Variants in DENND11 observed in about 807,000 individuals in gnomAD.
DENND11 encodes the protein DENN domain-containing protein 11.
A neutral mutation model predicts 49.2 loss-of-function variants in DENND11; 34 were observed. The observed-to-expected ratio is 0.69, with a 90% CI of 0.53 to 0.92. The LOEUF (loss-of-function observed/expected upper bound fraction) is 0.92, where lower values mean the gene tolerates loss of function less well. Ranked by LOEUF, DENND11 falls within the 40% of genes least tolerant of loss-of-function variation. The probability of loss-of-function intolerance (pLI) is 0.00; values close to 1 mark genes in which losing one functional copy is unlikely to be tolerated. For synonymous variants in DENND11, 238 were observed against 230.3 expected (o/e 1.03, Z -0.30); for missense variants, 475 against 581.6 (o/e 0.82, Z 1.88).
At chr7:141,678,284 T>A (rs917903173) in intron 3 of DENND11, among the ~76,000 whole-genome samples, 6 of 151,418 alleles carry the variant, frequency 4.0e-5, no homozygotes, top group East Asian at 3.9e-4. Flanking sequence ...TTAAAAGAAA[T>A]AAAATAAAAT....
chr7:141,692,670 T>C (rs1336453261), intron 1 of DENND11, among the ~76,000 whole-genome samples: 1 of 151,836 alleles, frequency 6.6e-6, no homozygotes, highest in Non-Finnish European at 1.5e-5. Flanking sequence ...CGAGACCCTG[T>C]CTCTACAAAA....
intron 4 of DENND11, among the ~76,000 whole-genome samples, chr7:141,673,070 A>G (rs1798006645): frequency 6.6e-6 from 1 of 152,128 alleles, no homozygotes; most frequent in South Asian, 2.1e-4. Context: ...CTTGTCTTGC[A>G]TTTTTCCGTG....
Position 141,661,103 on chromosome 7 carries a change from G to A in DENND11, c.*1553C>T, listed in dbSNP as rs532985533. 6.6e-6 allele frequency: 1 copy of A among 152,354 alleles called. No homozygotes were observed. The highest frequency in any genetic ancestry group is 1.5e-5 in the Non-Finnish European group (1 of 68,040). 9.4% of individuals were successfully genotyped at this position (152,354 alleles called of 1,614,324 possible). A position where few individuals can be genotyped will look rare whatever the true frequency, so the allele number is the denominator to read the frequency against. On this transcript the variant is annotated 3_prime_UTR_variant, in exon 9 of 9. Transcript: ENST00000536163. ...AACCCTAAGAATCTTATCTTGAGATGAGATGTGTGAACCACCATTTGAATG... is the reference window on the plus strand; with the variant it reads ...AACCCTAAGAATCTTATCTTGAGATAAGATGTGTGAACCACCATTTGAATG...
chr7:141,701,284 C>T (rs1006476566), intron 1 of DENND11, among the ~76,000 whole-genome samples: 3 of 151,756 alleles, frequency 2.0e-5, no homozygotes, highest in African/African-American at 7.3e-5. Flanking sequence ...GGCGTTAATT[C>T]CTCAAAATAA....
chr7:141,674,156 C>G lies in DENND11; in HGVS notation c.592G>C (p.Val198Leu). The change falls in exon 4 of 9, where the codon GTG (valine) becomes CTG (leucine). Residue 198 changes from valine (V) to leucine (L), a missense_variant. By Grantham distance (32) the Val-to-Leu change is conservative. Transcript: ENST00000536163. ...CCTCTGCCGGGACCAGCATGGAGCA[C>G]CCCCTTTTTGTCCTCATAGAAGGCA... ...LAAFYEDKKGVLHAGPGRGSS... is the reference protein window; with the variant it reads ...LAAFYEDKKGLLHAGPGRGSS... 1 of 1,571,558 alleles carries G rather than the reference C, an allele frequency of 6.4e-7. No homozygotes were observed. The highest frequency in any genetic ancestry group is 1.2e-5 in the South Asian group (1 of 85,396).
chr7:141,702,124 C>G lies in DENND11; in HGVS notation c.30G>C (p.Leu10=), dbSNP rs1798532639. MVEQGDAAP[L]LRWAEGPAVS... ...CGGCGGGGCCCTCGGCCCAGCGCAGCAGCGGCGCCGCGTCTCCCTGCTCCA... is the reference window on the plus strand; with the variant it reads ...CGGCGGGGCCCTCGGCCCAGCGCAGGAGCGGCGCCGCGTCTCCCTGCTCCA... Residue 10 remains leucine, a synonymous_variant, in exon 1 of 9, where the codon CTG becomes CTC. Coordinates refer to ENST00000536163, the MANE Select transcript of DENND11 (RefSeq NM_001080392.2). 8.1e-6 allele frequency: 8 copies of G among 983,352 alleles called. No homozygotes were observed. Among genetic ancestry groups the G allele is most frequent in the Non-Finnish European group, 9.6e-6 (8 of 830,124 alleles). The allele number at this position is 983,352 out of a possible 1,614,324, so 60.9% of individuals were successfully genotyped here.
rs1798533518 is a variant in DENND11 at position 141,702,155 on chromosome 7, G to T, written c.-2C>A. The T allele has an allele frequency of 7.1e-6, 7 of 981,778 alleles. No homozygotes were observed. Among genetic ancestry groups the T allele is most frequent in the Non-Finnish European group, 8.4e-6 (7 of 828,876 alleles). 60.8% of individuals were successfully genotyped at this position (981,778 alleles called of 1,614,324 possible). A position where few individuals can be genotyped will look rare whatever the true frequency, so the allele number is the denominator to read the frequency against. ...CGCCGCGTCTCCCTGCTCCACCATG[G>T]CTAGGCGAGGCGGAGCCGCGGGCGC... On this transcript the variant is annotated 5_prime_UTR_variant, in exon 1 of 9. Coordinates refer to ENST00000536163, the MANE Select transcript of DENND11 (RefSeq NM_001080392.2).
chr7:141,690,467 A>C (rs568765594), intron 1 of DENND11, among the ~76,000 whole-genome samples: 4 of 152,288 alleles, frequency 2.6e-5, no homozygotes, highest in African/African-American at 9.6e-5. Flanking sequence ...TCAAACTCCA[A>C]CATCAGATAC....
chr7:141,664,160 C>T lies in DENND11; in HGVS notation c.1172+12G>A, dbSNP rs1376871263. 2 of 1,570,042 alleles carry T rather than the reference C, an allele frequency of 1.3e-6. No homozygotes were observed. Among genetic ancestry groups the T allele is most frequent in the East Asian group, 2.3e-5 (1 of 42,766 alleles). On this transcript the variant is annotated intron_variant, in intron 8 of 8. Transcript: ENST00000536163. ...CTCAGGGAGACTCCACATCCACGGC[C>T]CCAGGACTCACAGCACGAAGAGGTC...
Position 141,658,108 on chromosome 7 carries a change from A to C in DENND11, c.*4548T>G, listed in dbSNP as rs562307199. 6.6e-6 allele frequency: 1 copy of C among 152,340 alleles called. No homozygotes were observed. The highest frequency in any genetic ancestry group is 1.9e-4 in the East Asian group (1 of 5,188). 9.4% of individuals were successfully genotyped at this position (152,340 alleles called of 1,614,324 possible). On this transcript the variant is annotated 3_prime_UTR_variant, in exon 9 of 9. Transcript: ENST00000536163. ...TTCTATGGGGTCTCAGCCACCACCA[A>C]ATTACAAAACTGCCCATTTCTTCTA...
intron 1 of DENND11, among the ~76,000 whole-genome samples, chr7:141,701,016 A>G (rs754380255): frequency 6.6e-6 from 1 of 152,042 alleles, no homozygotes; most frequent in Admixed American, 6.5e-5. Context: ...AACCCCGAAC[A>G]GCAGAGCCAC....
chr7:141,701,884 A>C lies in DENND11; in HGVS notation c.268+2T>G. The C allele has an allele frequency of 1.7e-6, 2 of 1,195,036 alleles. No individual in the cohort carries two copies. The highest frequency in any genetic ancestry group is 2.1e-6 in the Non-Finnish European group (2 of 965,444). The allele number at this position is 1,195,036 out of a possible 1,614,324, so 74.0% of individuals were successfully genotyped here. A position where few individuals can be genotyped will look rare whatever the true frequency, so the allele number is the denominator to read the frequency against. On this transcript the variant is annotated splice_donor_variant, in intron 1 of 8. Coordinates refer to ENST00000536163, the MANE Select transcript of DENND11 (RefSeq NM_001080392.2). LOFTEE classifies it high-confidence loss of function. The stretch of plus-strand genomic sequence containing the variant: ...CGCGCCTGGCCCCGGCGCGGCCCTC[A>C]CCCGAGCGGGGGTCGAAGGTGACCA...
chr7:141,665,319 CTG>C lies in DENND11; in HGVS notation c.821-3_821-2del. ...TTGGCCAAGCAGCAGCAGCAGTACACTGTGGGGATAGAGGAGGTGAGCGGGGA... is the reference window on the plus strand; with the variant it reads ...TTGGCCAAGCAGCAGCAGCAGTACACTGGGGATAGAGGAGGTGAGCGGGGA... On this transcript the variant is annotated splice_acceptor_variant and splice_polypyrimidine_tract_variant and intron_variant, in intron 5 of 8. Transcript: ENST00000536163. LOFTEE classifies it high-confidence loss of function. 6.2e-7 allele frequency: 1 copy of C among 1,613,868 alleles called. No individual in the cohort carries two copies. Among genetic ancestry groups the C allele is most frequent in the Non-Finnish European group, 8.5e-7 (1 of 1,179,848 alleles).
chr7:141,679,896 T>C (rs1052709752), intron 3 of DENND11, among the ~76,000 whole-genome samples: 1 of 152,236 alleles, frequency 6.6e-6, no homozygotes, highest in Non-Finnish European at 1.5e-5. Context: ...TCCATCAGGT[T>C]AGAATGTTCA....
At chr7:141,662,952 A>G (rs1027052798) in intron 8 of DENND11, 101 bp from the exon 9 acceptor site, 2 of 840,114 alleles carry the variant, frequency 2.4e-6, no homozygotes, top group Non-Finnish European at 3.5e-6. Context: ...GTTTTGTTTA[A>G]TGTACTTTTC....
chr7:141,690,393 C>T (rs1584724781), intron 1 of DENND11, among the ~76,000 whole-genome samples: 1 of 152,068 alleles, frequency 6.6e-6, no homozygotes, highest in East Asian at 1.9e-4. Flanking sequence ...CTTCCTTTTC[C>T]TCCTCCTCCT....
chr7:141,662,659 C>A lies in DENND11; in HGVS notation c.1365G>T (p.Pro455=), dbSNP rs202069365. 2.5e-6 allele frequency: 4 copies of A among 1,573,010 alleles called. No individual in the cohort carries two copies. Among genetic ancestry groups the A allele is most frequent in the Non-Finnish European group, 3.4e-6 (4 of 1,160,272 alleles). ...VMLVIDNPCC[P] ...CTCCCAGTCCTGTTGGCTCCTCCTA[C>A]GGGCAACAGGGGTTGTCGATAACCA... Residue 455 remains proline (P), a synonymous_variant, in exon 9 of 9, where the codon CCG becomes CCT. Transcript: ENST00000536163.
In DENND11 at chr7:141,657,511, C is replaced by G. The variant is rs1274477108; in HGVS notation, c.*5145G>C. On this transcript the variant is annotated 3_prime_UTR_variant, in exon 9 of 9. Transcript: ENST00000536163. ...CAAAGACCTCTGTGTCGACTGTTCA[C>G]TTTGTGGATCATCTCTGGCTCATTT... The G allele has an allele frequency of 6.6e-6, 1 of 152,406 alleles. No homozygotes were observed. The highest frequency in any genetic ancestry group is 1.9e-4 in the East Asian group (1 of 5,198). The allele number at this position is 152,406 out of a possible 1,614,324, so 9.4% of individuals were successfully genotyped here.
chr7:141,701,709 G>A, intron 1 of DENND11, 177 bp downstream of exon 1: 1 of 403,938 alleles, frequency 2.5e-6, no homozygotes, highest in Non-Finnish European at 3.8e-6. Flanking sequence ...CCGAGGGAGA[G>A]AGCTGAGGAC....
Sources: gnomAD v4.1 joint callset for allele counts (sites outside exome capture counted in the v4.1 genomes callset) on GRCh38, gnomAD v4.1.1 for gene constraint, MANE v1.5 for transcripts, NCBI Gene and HGNC (gene_info 2026-07-23, HGNC 2026-07-21) for gene names.